The following RTL4 variants were observed in gnomAD, a reference collection of about 807,000 sequenced individuals.
RTL4 encodes retrotransposon Gag like 4.
Under a neutral mutation model 5.3 loss-of-function variants are expected in RTL4, and 4 were observed. That is an observed-to-expected ratio of 0.75 (90% CI 0.37 to 1.72). The LOEUF (loss-of-function observed/expected upper bound fraction) is 1.72, where lower values mean the gene tolerates loss of function less well. Ranked by LOEUF, RTL4 falls within the 40% of genes most tolerant of loss-of-function variation. The pLI is 0.04. For missense variants in RTL4, 260 were observed against 227.1 expected (o/e 1.14, Z -0.93); for synonymous variants, 98 against 87.3 (o/e 1.12, Z -0.68).
chrX:112,188,635 A>G, the RTL4 span, among the ~76,000 whole-genome samples: 45 of 111,352 alleles, frequency 4.0e-4, no homozygotes, highest in East Asian at 0.012. Context: ...TAGTTCTGGC[A>G]TTAGGCTTTT....
At chrX:112,414,387 C>T in the RTL4 span, among the ~76,000 whole-genome samples, 9,470 of 111,079 alleles carry the variant, frequency 0.085, 343 homozygotes, top group African/African-American at 0.13. Context: ...GTTTAAGTCT[C>T]GTTTAGAAAG....
the RTL4 span, among the ~76,000 whole-genome samples, chrX:112,353,860 A>T: frequency 7.2e-5 from 8 of 111,218 alleles, no homozygotes; most frequent in Non-Finnish European, 1.1e-4. Context: ...AAAAAAGAAG[A>T]GGTTTTGGTG....
At chrX:112,112,371 AT>A in the RTL4 span, among the ~76,000 whole-genome samples, 1 of 111,551 alleles carries the variant, frequency 9.0e-6, no homozygotes, top group Admixed American at 9.5e-5. Context: ...GGTCTCCTTG[AT>A]TAGAGTATAG....
At chrX:112,352,068 G>A in the RTL4 span, among the ~76,000 whole-genome samples, 9 of 111,061 alleles carry the variant, frequency 8.1e-5, no homozygotes, top group South Asian at 1.1e-3. Flanking sequence ...GCCTGGTAGC[G>A]ACAAAATCTC....
At chrX:112,144,914 T>G in the RTL4 span, among the ~76,000 whole-genome samples, 6 of 111,770 alleles carry the variant, frequency 5.4e-5, no homozygotes, top group African/African-American at 2.0e-4. Flanking sequence ...AAATATGACC[T>G]GTTTTCAAGG....
At chrX:112,414,028 G>A in the RTL4 span, among the ~76,000 whole-genome samples, 4 of 111,008 alleles carry the variant, frequency 3.6e-5, no homozygotes, top group East Asian at 8.5e-4. Flanking sequence ...CTACCTCATA[G>A]TATTGTTTGA....
chrX:112,190,850 G>A, the RTL4 span, among the ~76,000 whole-genome samples: 10 of 111,813 alleles, frequency 8.9e-5, no homozygotes, highest in East Asian at 2.0e-3. Context: ...GTGGTTAGTC[G>A]CTGACATGGT....
the RTL4 span, among the ~76,000 whole-genome samples, chrX:112,112,814 G>C: frequency 8.9e-6 from 1 of 111,868 alleles, no homozygotes; most frequent in Non-Finnish European, 1.9e-5. Context: ...GGGACGTGTG[G>C]TCTCTGAGAT....
chrX:112,408,542 A>G, the RTL4 span, among the ~76,000 whole-genome samples: 76 of 109,753 alleles, frequency 6.9e-4, no homozygotes, highest in Middle Eastern at 4.8e-3. Flanking sequence ...GGGCAAATAT[A>G]AAATTTATTG....
the RTL4 span, among the ~76,000 whole-genome samples, chrX:112,143,356 T>C: frequency 9.0e-6 from 1 of 111,132 alleles, no homozygotes; most frequent in African/African-American, 3.3e-5. Flanking sequence ...CAAGTAAGAA[T>C]AGAAAATATA....
chrX:112,273,082 G>T, the RTL4 span, among the ~76,000 whole-genome samples: 2 of 111,395 alleles, frequency 1.8e-5, no homozygotes, highest in East Asian at 5.6e-4. Context: ...CATGAAGAAA[G>T]AACTTTCAGG....
At chrX:112,234,409 AC>A in the RTL4 span, among the ~76,000 whole-genome samples, 1 of 110,739 alleles carries the variant, frequency 9.0e-6, no homozygotes, top group South Asian at 3.9e-4. Context: ...CTGAGAACTG[AC>A]CCTGGATTAA....
the RTL4 span, among the ~76,000 whole-genome samples, chrX:112,161,832 C>CTTT: frequency 0.011 from 295 of 26,566 alleles, no homozygotes; most frequent in Non-Finnish European, 0.016. Flanking sequence ...TTCCTTCCTT[C>CTTT]CTTCCTTCCT....
At chrX:112,431,758 T>C in the RTL4 span, among the ~76,000 whole-genome samples, 19 of 109,605 alleles carry the variant, frequency 1.7e-4, no homozygotes, top group Middle Eastern at 4.6e-3. Flanking sequence ...ATGTTAAGTT[T>C]TAGGGTACAT....
the RTL4 span, among the ~76,000 whole-genome samples, chrX:112,092,722 G>C: frequency 9.0e-6 from 1 of 111,121 alleles, no homozygotes; most frequent in Non-Finnish European, 1.9e-5. Context: ...TTGTTCTCAT[G>C]ATAGTGAATG....
At chrX:112,403,215 T>G in the RTL4 span, among the ~76,000 whole-genome samples, 2 of 111,672 alleles carry the variant, frequency 1.8e-5, no homozygotes, top group South Asian at 7.5e-4. Flanking sequence ...TCTTTTTCAT[T>G]TACTTGCCCC....
chrX:112,162,623 G>A, the RTL4 span, among the ~76,000 whole-genome samples: 1 of 111,950 alleles, frequency 8.9e-6, no homozygotes, highest in Admixed American at 9.5e-5. Context: ...ATATGGGGAA[G>A]GATAAGACTA....
the RTL4 span, among the ~76,000 whole-genome samples, chrX:112,407,702 A>C: frequency 8.9e-6 from 1 of 112,576 alleles, no homozygotes; most frequent in Non-Finnish European, 1.9e-5. Flanking sequence ...TGTATGAGAC[A>C]CAGGGCTGTG....
At chrX:112,226,989 C>CAAAACAAAATAAAATAAAATAAAAT in the RTL4 span, among the ~76,000 whole-genome samples, 71 of 95,717 alleles carry the variant, frequency 7.4e-4, no homozygotes, top group African/African-American at 2.8e-3. Flanking sequence ...TAAAATAAAA[C>CAAAACAAAATAAAATAAAATAAAAT]AAAATAAAAT....
Sources: gnomAD v4.1 joint callset for allele counts (sites outside exome capture counted in the v4.1 genomes callset) on GRCh38, gnomAD v4.1.1 for gene constraint, MANE v1.5 for transcripts, NCBI Gene and HGNC (gene_info 2026-07-23, HGNC 2026-07-21) for gene names.